AHCYL2: variants seen among roughly 807,000 people sequenced by gnomAD.
The protein encoded by AHCYL2 is S-adenosylhomocysteine hydrolase-like protein 2.
In AHCYL2, 28 loss-of-function variants were observed where a neutral mutation model predicts 81.4. That is an observed-to-expected ratio of 0.34 (90% CI 0.25 to 0.47). The LOEUF is 0.47. Among genes scored for constraint, AHCYL2 ranks in the 20% least tolerant of loss-of-function variants. The pLI is 1.00. For synonymous variants in AHCYL2, 272 were observed against 290.2 expected (o/e 0.94, Z 0.64); for missense variants, 551 against 785.1 (o/e 0.70, Z 3.56).
In AHCYL2 at chr7:129,398,124, TC is replaced by T. The variant is rs1291960809; in HGVS notation, c.823+801del. Among the ~76,000 whole-genome samples, 12 of 152,078 alleles carry T rather than the reference TC, an allele frequency of 7.9e-5. No homozygotes were observed. In the East Asian group the frequency reaches 2.1e-3, roughly 27 times the overall value. ...CCTAGGAACAGGTGATCCTCCCACT[TC>T]AGTCTTCTGAGTAGCTGGGACTTCA... On this transcript the variant is annotated intron_variant, in intron 5 of 16. Transcript: ENST00000325006.
chr7:129,238,475 T>G (rs1408000551), intron 1 of AHCYL2, among the ~76,000 whole-genome samples: 1 of 152,230 alleles, frequency 6.6e-6, no homozygotes, highest in East Asian at 1.9e-4. Context: ...CAAATACTGC[T>G]AAGTGCTAGA....
At chr7:129,229,949 A>G (rs1435076937) in intron 1 of AHCYL2, among the ~76,000 whole-genome samples, 5 of 152,072 alleles carry the variant, frequency 3.3e-5, no homozygotes, top group African/African-American at 4.8e-5. Context: ...CTTTTTCCCT[A>G]TTCTTTAAGC....
At chr7:129,328,876 A>G (rs978049541) in intron 1 of AHCYL2, among the ~76,000 whole-genome samples, 18 of 152,172 alleles carry the variant, frequency 1.2e-4, no homozygotes, top group South Asian at 2.1e-4. Context: ...TTGAATGTTT[A>G]TTCTCCTGTT....
At chr7:129,374,742 G>A (rs1395799318) in intron 1 of AHCYL2, among the ~76,000 whole-genome samples, 1 of 151,092 alleles carries the variant, frequency 6.6e-6, no homozygotes, top group Non-Finnish European at 1.5e-5. Context: ...GGAGGGTGGA[G>A]GTTGCAGTGA....
At chr7:129,321,743 G>GTTTTTTTTTTTTTTT in intron 1 of AHCYL2, among the ~76,000 whole-genome samples, 26 of 77,606 alleles carry the variant, frequency 3.4e-4, no homozygotes, top group Non-Finnish European at 4.5e-4. Flanking sequence ...TTCTTTCTTT[G>GTTTTTTTTTTTTTTT]TTTTTTTTTT....
chr7:129,404,809 C>G (rs1003769591), intron 7 of AHCYL2, among the ~76,000 whole-genome samples: 2 of 152,132 alleles, frequency 1.3e-5, no homozygotes, highest in Non-Finnish European at 2.9e-5. Flanking sequence ...ACCTTCAACC[C>G]GCTCCCACTC....
At chr7:129,232,555 C>G (rs550985274) in intron 1 of AHCYL2, among the ~76,000 whole-genome samples, 2 of 152,176 alleles carry the variant, frequency 1.3e-5, no homozygotes, top group Non-Finnish European at 2.9e-5. Flanking sequence ...CAGTCACTAC[C>G]CGCCATCCGC....
rs904570553 is a variant in AHCYL2, at chr7:129,429,455, A to G, written c.*2410A>G. On this transcript the variant is annotated 3_prime_UTR_variant, in exon 17 of 17. Coordinates refer to ENST00000325006, the MANE Select transcript of AHCYL2 (RefSeq NM_015328.4). ...GAAAGAAGGCTACTTATCTCTTTGT[A>G]TGTGGCTCCAGTCTGTGAGGATACA... 2 of 152,198 alleles carry G rather than the reference A, an allele frequency of 1.3e-5. No individual in the cohort carries two copies. Among genetic ancestry groups the G allele is most frequent in the African/African-American group, 4.8e-5 (2 of 41,434 alleles). 9.4% of individuals were successfully genotyped at this position (152,198 alleles called of 1,614,324 possible).
chr7:129,246,080 A>G (rs983070319), intron 1 of AHCYL2, among the ~76,000 whole-genome samples: 3 of 148,490 alleles, frequency 2.0e-5, no homozygotes, highest in African/African-American at 7.4e-5. Flanking sequence ...TTTTTTTGAG[A>G]CGGAGTTTCA....
At chr7:129,360,646 C>T (rs556323972) in intron 1 of AHCYL2, among the ~76,000 whole-genome samples, 80 of 152,230 alleles carry the variant, frequency 5.3e-4, no homozygotes, top group African/African-American at 1.7e-3. Context: ...TTAACCTAGA[C>T]CAGGAACTGG....
chr7:129,284,884 T>G (rs1295940593), intron 1 of AHCYL2, among the ~76,000 whole-genome samples: 3 of 152,170 alleles, frequency 2.0e-5, no homozygotes, highest in Non-Finnish European at 1.5e-5. Flanking sequence ...TTTGGCAAAC[T>G]AGAATAATCC....
At chr7:129,333,241 C>T (rs1294927970) in intron 1 of AHCYL2, among the ~76,000 whole-genome samples, 2 of 145,784 alleles carry the variant, frequency 1.4e-5, no homozygotes, top group African/African-American at 2.6e-5. Context: ...AGGCTGAGTC[C>T]AGAGGATTGC....
intron 1 of AHCYL2, among the ~76,000 whole-genome samples, chr7:129,358,469 A>G (rs1024081182): frequency 3.9e-5 from 6 of 152,198 alleles, no homozygotes; most frequent in Non-Finnish European, 8.8e-5. Context: ...TGAGAACATT[A>G]TGCTAAGTGA....
chr7:129,329,079 C>CA (rs1444024655), intron 1 of AHCYL2, among the ~76,000 whole-genome samples: 1 of 152,172 alleles, frequency 6.6e-6, no homozygotes, highest in Non-Finnish European at 1.5e-5. Flanking sequence ...GGCTTATGGT[C>CA]AACCAAATGA....
Position 129,368,504 on chromosome 7 carries a change from TG to T in AHCYL2, c.364-11131del, listed in dbSNP as rs751761997. The stretch of plus-strand genomic sequence containing the variant: ...TACCCAAGCCTGCACTATGGAGAAG[TG>T]GGACGGTAATGAGGGCACCTCAGCT... On this transcript the variant is annotated intron_variant, in intron 1 of 16. Coordinates refer to ENST00000325006, the MANE Select transcript of AHCYL2 (RefSeq NM_015328.4). This position sits in a 1 kb window ranked among gnomAD's most constrained non-coding sequence, Gnocchi z 4.4. The T allele has an allele frequency of 6.2e-7, 1 of 1,613,990 alleles. No individual in the cohort carries two copies. Among genetic ancestry groups the T allele is most frequent in the Non-Finnish European group, 8.5e-7 (1 of 1,179,888 alleles).
chr7:129,342,705 T>A lies in AHCYL2; in HGVS notation c.364-36933T>A, dbSNP rs73722957. Among the ~76,000 whole-genome samples, 515 of 152,328 alleles carry A rather than the reference T, an allele frequency of 3.4e-3. 1 individual carries two copies. The highest frequency in any genetic ancestry group is 0.012 in the African/African-American group (498 of 41,578). On this transcript the variant is annotated intron_variant, in intron 1 of 16. Transcript: ENST00000325006. The stretch of plus-strand genomic sequence containing the variant: ...TAGACTGTTTCAAAGTGGTAGACCT[T>A]ATTTTAAAGTAAGAGCATTTATTTT...
At chr7:129,270,469 A>C (rs1795971238) in intron 1 of AHCYL2, among the ~76,000 whole-genome samples, 1 of 152,074 alleles carries the variant, frequency 6.6e-6, no homozygotes. Context: ...TATATGTTTT[A>C]CATTTGACAA....
At chr7:129,272,105 T>A (rs1796041359) in intron 1 of AHCYL2, among the ~76,000 whole-genome samples, 1 of 152,228 alleles carries the variant, frequency 6.6e-6, no homozygotes, top group African/African-American at 2.4e-5. Context: ...ATTGCTGTGC[T>A]ATGGAACATT....
At chr7:129,285,722 T>G (rs1796607801) in intron 1 of AHCYL2, among the ~76,000 whole-genome samples, 1 of 129,198 alleles carries the variant, frequency 7.7e-6, no homozygotes, top group Admixed American at 8.9e-5. Context: ...TTTTTTGAGA[T>G]AGGGTCTGGC....
Sources: gnomAD v4.1 joint callset for allele counts (sites outside exome capture counted in the v4.1 genomes callset) on GRCh38, gnomAD v4.1.1 for gene constraint, Gnocchi (gnomAD v3.1) non-coding constraint, MANE v1.5 for transcripts, NCBI Gene and HGNC (gene_info 2026-07-23, HGNC 2026-07-21) for gene names.